COL21A1: variants seen among roughly 807,000 people sequenced by gnomAD.
The protein encoded by COL21A1 is collagen alpha-1(XXI) chain.
In COL21A1, 149 loss-of-function variants were observed where a neutral mutation model predicts 137.9. That is an observed-to-expected ratio of 1.08 (90% confidence interval 0.95 to 1.24). The LOEUF is 1.24. Ranked by LOEUF, COL21A1 falls within the 50% of genes most tolerant of loss-of-function variation. COL21A1 has a pLI of 0.00. For missense variants in COL21A1, 1,167 were observed against 1,158.4 expected (o/e 1.01, Z -0.11); for synonymous variants, 456 against 391.5 (o/e 1.16, Z -1.95).
At position 56,057,304 on chromosome 6, in the gene COL21A1, A is replaced by T; in HGVS notation, c.*353T>A. 1 of 287,008 alleles carries T rather than the reference A, an allele frequency of 3.5e-6. No individual in the cohort carries two copies. Among genetic ancestry groups the T allele is most frequent in the Non-Finnish European group, 6.6e-6 (1 of 151,984 alleles). 17.8% of individuals were successfully genotyped at this position (287,008 alleles called of 1,614,324 possible). A position where few individuals can be genotyped will look rare whatever the true frequency, so the allele number is the denominator to read the frequency against. On this transcript the variant is annotated 3_prime_UTR_variant, in exon 30 of 30. Coordinates refer to ENST00000244728, the MANE Select transcript of COL21A1 (RefSeq NM_030820.4). Reference sequence around the variant, plus strand: ...ATGAAAGTCACATGGACATGAAATTAAACTCAAATCTCTACTGCATGGAGG... The same window carrying T: ...ATGAAAGTCACATGGACATGAAATTTAACTCAAATCTCTACTGCATGGAGG...
intron 3 of COL21A1, among the ~76,000 whole-genome samples, chr6:56,176,595 C>T (rs1188438671): frequency 3.7e-5 from 1 of 26,914 alleles, no homozygotes; most frequent in African/African-American, 1.7e-4. Flanking sequence ...CTGGCCATTA[C>T]CAAAAAAAAG....
At chr6:56,226,864 C>T (rs1341637348) in intron 1 of COL21A1, among the ~76,000 whole-genome samples, 1 of 89,242 alleles carries the variant, frequency 1.1e-5, no homozygotes, top group East Asian at 7.8e-4. Flanking sequence ...AAACAGGTCA[C>T]TGAGAAGAAT....
chr6:56,333,832 T>C (rs1394067168), intron 1 of COL21A1, among the ~76,000 whole-genome samples: 1 of 152,172 alleles, frequency 6.6e-6, no homozygotes, highest in Non-Finnish European at 1.5e-5. Context: ...TGGTATCTAC[T>C]GCTGCTTTAA....
intron 16 of COL21A1, among the ~76,000 whole-genome samples, chr6:56,102,273 A>C (rs1263299316): frequency 6.6e-6 from 1 of 152,170 alleles, no homozygotes. Context: ...CAACTATTAA[A>C]CTATCTGAGC....
chr6:56,271,344 C>G (rs1763520611), intron 1 of COL21A1, among the ~76,000 whole-genome samples: 1 of 152,144 alleles, frequency 6.6e-6, no homozygotes, highest in African/African-American at 2.4e-5. Context: ...AATTTCCAAG[C>G]AGCAAACCAG....
In COL21A1 at chr6:56,081,006, T is replaced by C. The variant is rs186368783; in HGVS notation, c.1813-3433A>G. ...GGCCAGTTATTTAAACTGTAAAATC[T>C]CTGAATCCCAGTTTTCTTTGTCGGG... On this transcript the variant is annotated intron_variant, in intron 17 of 29. Transcript: ENST00000244728. Among the ~76,000 whole-genome samples the C allele has an allele frequency of 3.6e-3, 549 of 151,944 alleles. 7 individuals carry two copies. Among genetic ancestry groups the C allele is most frequent in the African/African-American group, 0.013 (523 of 41,514 alleles).
chr6:56,119,424 A>G (rs1040052167), intron 16 of COL21A1, among the ~76,000 whole-genome samples: 1 of 152,094 alleles, frequency 6.6e-6, no homozygotes, highest in Admixed American at 6.5e-5. Flanking sequence ...CCAAAAAATA[A>G]AAAAATATTT....
chr6:56,086,180 G>A (rs941129106), intron 17 of COL21A1, among the ~76,000 whole-genome samples: 1 of 151,930 alleles, frequency 6.6e-6, no homozygotes, highest in South Asian at 2.1e-4. Context: ...TATAACCTTT[G>A]AACAAAATTC....
At position 56,261,470 on chromosome 6, in the gene COL21A1, G is replaced by A. The variant is rs371495964; in HGVS notation, c.-38-78814C>T. Among the ~76,000 whole-genome samples, 3 of 152,220 alleles carry A rather than the reference G, an allele frequency of 2.0e-5. No individual in the cohort carries two copies. The East Asian group carries it at 5.8e-4, about 29-fold the overall frequency. ...GTAAGGGCAGAGCCCTCATGAATGG[G>A]ATTAGTGCCCACCTAAAAGAGACCC... On this transcript the variant is annotated intron_variant, in intron 1 of 28. Coordinates refer to the COL21A1 transcript ENST00000370819.
intron 17 of COL21A1, among the ~76,000 whole-genome samples, chr6:56,081,430 A>C (rs4469280): frequency 0.15 from 23,049 of 151,736 alleles, 1,784 homozygotes; most frequent in Middle Eastern, 0.22. Context: ...TTACAGAGTA[A>C]TACTATCATG....
intron 17 of COL21A1, among the ~76,000 whole-genome samples, chr6:56,093,220 A>C (rs765302200): frequency 6.6e-6 from 1 of 152,104 alleles, no homozygotes; most frequent in Non-Finnish European, 1.5e-5. Context: ...TCAGCCTGAC[A>C]CAGTCTACCC....
At chr6:56,323,952 C>A (rs1764937954) in intron 1 of COL21A1, among the ~76,000 whole-genome samples, 1 of 151,974 alleles carries the variant, frequency 6.6e-6, no homozygotes, top group African/African-American at 2.4e-5. Flanking sequence ...AGCAAAGATT[C>A]TTGGTCAGTG....
At chr6:56,158,949 G>GC (rs1775994720) in intron 9 of COL21A1, among the ~76,000 whole-genome samples, 1 of 152,174 alleles carries the variant, frequency 6.6e-6, no homozygotes, top group Non-Finnish European at 1.5e-5. Context: ...CCAAGGACTT[G>GC]CAGTGGTGGC....
intron 1 of COL21A1, among the ~76,000 whole-genome samples, chr6:56,292,833 T>C (rs940666161): frequency 1.3e-5 from 2 of 152,194 alleles, no homozygotes; most frequent in Non-Finnish European, 2.9e-5. Context: ...AATTGTAAAG[T>C]CTAGTATTTT....
chr6:56,176,601 A>AAAAG (rs56413153), intron 3 of COL21A1, among the ~76,000 whole-genome samples: 138,564 of 140,818 alleles, frequency 0.98, 68,171 homozygotes, highest in East Asian at 1. Flanking sequence ...ATTACCAAAA[A>AAAAG]AAAGAAAGAA....
At chr6:56,320,216 C>A (rs183819057) in intron 1 of COL21A1, among the ~76,000 whole-genome samples, 3 of 152,216 alleles carry the variant, frequency 2.0e-5, no homozygotes, top group Non-Finnish European at 2.9e-5. Context: ...CCTTTCTTCC[C>A]CTAATACCCT....
chr6:56,393,207 C>G (rs932113009), intron 1 of COL21A1, among the ~76,000 whole-genome samples: 2 of 152,062 alleles, frequency 1.3e-5, no homozygotes, highest in South Asian at 2.1e-4. Flanking sequence ...GATTTATAGT[C>G]AATTCATTTT....
At chr6:56,235,485 T>C (rs1781842076) in intron 1 of COL21A1, among the ~76,000 whole-genome samples, 1 of 151,948 alleles carries the variant, frequency 6.6e-6, no homozygotes, top group African/African-American at 2.4e-5. Context: ...CACTCTGCAG[T>C]GCTTGCTAAG....
chr6:56,158,523 C>A (rs570195356), intron 9 of COL21A1, among the ~76,000 whole-genome samples: 1 of 152,084 alleles, frequency 6.6e-6, no homozygotes, highest in Non-Finnish European at 1.5e-5. Context: ...CCTCCCTCCT[C>A]AACCTCCCAA....
Sources: gnomAD v4.1 joint callset for allele counts (sites outside exome capture counted in the v4.1 genomes callset) on GRCh38, gnomAD v4.1.1 for gene constraint, MANE v1.5 for transcripts, NCBI Gene and HGNC (gene_info 2026-07-23, HGNC 2026-07-21) for gene names.